The following SUGCT variants were observed in gnomAD, a reference collection of about 807,000 sequenced individuals.
The protein encoded by SUGCT is succinyl-CoA:glutarate CoA-transferase.
In SUGCT, 41 loss-of-function variants were observed where a neutral mutation model predicts 55.0. That is an observed-to-expected ratio of 0.74 (90% CI 0.58 to 0.97). The LOEUF (loss-of-function observed/expected upper bound fraction) is 0.97, where lower values mean the gene tolerates loss of function less well. SUGCT is among the 50% of genes least tolerant of loss of function. SUGCT has a pLI of 0.00. For synonymous variants in SUGCT, 187 were observed against 200.4 expected, an observed-to-expected ratio of 0.93 and a Z score of 0.56; for missense variants, 568 against 547.8, an observed-to-expected ratio of 1.04 and a Z score of -0.37.
chr7:40,206,352 G>C (rs1448144332), intron 6 of SUGCT, among the ~76,000 whole-genome samples: 1 of 152,176 alleles, frequency 6.6e-6, no homozygotes, highest in Non-Finnish European at 1.5e-5. Flanking sequence ...CTTCAAGCTA[G>C]CATTAGTGCA....
the SUGCT span, among the ~76,000 whole-genome samples, chr7:40,946,373 T>C: frequency 1.3e-5 from 2 of 152,220 alleles, no homozygotes; most frequent in South Asian, 2.1e-4. Flanking sequence ...TCTGCACATG[T>C]GGATACAAGC....
intron 12 of SUGCT, among the ~76,000 whole-genome samples, chr7:40,665,432 A>AAAATAAAT (rs59090658): frequency 0.041 from 5,778 of 140,400 alleles, 149 homozygotes; most frequent in African/African-American, 0.047. Context: ...TCTATCTCAA[A>AAAATAAAT]AAATAAATAA....
chr7:40,927,871 T>C, the SUGCT span, among the ~76,000 whole-genome samples: 4 of 152,214 alleles, frequency 2.6e-5, no homozygotes, highest in Non-Finnish European at 4.4e-5. Flanking sequence ...TTTATGTCTT[T>C]AGATACCTTT....
At chr7:40,831,609 A>G (rs1349786844) in intron 13 of SUGCT, among the ~76,000 whole-genome samples, 2 of 152,228 alleles carry the variant, frequency 1.3e-5, no homozygotes, top group East Asian at 1.9e-4. Context: ...TGTTTAACCA[A>G]GATGCTACTA....
At chr7:40,389,665 G>T (rs1785315018) in intron 9 of SUGCT, among the ~76,000 whole-genome samples, 1 of 152,068 alleles carries the variant, frequency 6.6e-6, no homozygotes, top group South Asian at 2.1e-4. Context: ...CATATGAAGG[G>T]ACTGAGGAAT....
intron 12 of SUGCT, among the ~76,000 whole-genome samples, chr7:40,543,147 A>G (rs2151623607): frequency 6.6e-6 from 1 of 152,166 alleles, no homozygotes; most frequent in South Asian, 2.1e-4. Context: ...TGGCATCTCT[A>G]CCCATTTCTC....
At chr7:40,546,072 A>G (rs377631721) in intron 12 of SUGCT, among the ~76,000 whole-genome samples, 1 of 152,074 alleles carries the variant, frequency 6.6e-6, no homozygotes, top group East Asian at 1.9e-4. Flanking sequence ...CACCTTTGAC[A>G]TGGGATTTCT....
At chr7:40,856,684 T>TATA (rs911967024) in intron 13 of SUGCT, among the ~76,000 whole-genome samples, 36 of 152,336 alleles carry the variant, frequency 2.4e-4, no homozygotes, top group African/African-American at 7.7e-4. Flanking sequence ...CTTAAAAATC[T>TATA]ATATGGATCT....
At chr7:40,310,353 A>C (rs1399579799) in intron 8 of SUGCT, among the ~76,000 whole-genome samples, 1 of 152,238 alleles carries the variant, frequency 6.6e-6, no homozygotes, top group Non-Finnish European at 1.5e-5. Context: ...TAAGGAAAGT[A>C]TGAGGAACTG....
intron 9 of SUGCT, among the ~76,000 whole-genome samples, chr7:40,398,591 G>A (rs1167252413): frequency 6.0e-5 from 9 of 150,224 alleles, no homozygotes; most frequent in African/African-American, 2.2e-4. Context: ...ATCAAATAGG[G>A]TCTTGTTTTG....
chr7:40,628,661 T>C (rs1799638249), intron 12 of SUGCT, among the ~76,000 whole-genome samples: 1 of 152,214 alleles, frequency 6.6e-6, no homozygotes, highest in Non-Finnish European at 1.5e-5. Context: ...TTTTTAATTA[T>C]CTCTGAAAGT....
At chr7:40,615,722 G>T (rs1025987775) in intron 12 of SUGCT, among the ~76,000 whole-genome samples, 1 of 152,178 alleles carries the variant, frequency 6.6e-6, no homozygotes, top group Admixed American at 6.5e-5. Context: ...GAAAACACAA[G>T]GATCATTTAG....
chr7:40,631,122 T>C (rs1383850754), intron 12 of SUGCT, among the ~76,000 whole-genome samples: 2 of 152,164 alleles, frequency 1.3e-5, no homozygotes, highest in Non-Finnish European at 2.9e-5. Flanking sequence ...TCTAGAATGA[T>C]AGGAAAGAAC....
chr7:40,749,269 C>T lies in SUGCT; in HGVS notation c.1090-165C>T, dbSNP rs576856195. On this transcript the variant is annotated intron_variant, in intron 12 of 13. Transcript: ENST00000335693. ...TCATTTGGTGTATTATAGGATGAAA[C>T]GTTATTTTTATGTCAAATGTTTACT... Among the ~76,000 whole-genome samples, 7 of 152,234 alleles carry T rather than the reference C, an allele frequency of 4.6e-5. No homozygotes were observed. In the South Asian group the frequency reaches 6.2e-4, roughly 14 times the overall value.
chr7:40,154,053 C>T (rs1007635054), intron 1 of SUGCT: 4 of 253,464 alleles, frequency 1.6e-5, no homozygotes, highest in African/African-American at 4.6e-5. Context: ...GGATACAGTT[C>T]GGGTGAACAT....
the SUGCT span, among the ~76,000 whole-genome samples, chr7:40,953,131 C>G: frequency 6.6e-6 from 1 of 152,174 alleles, no homozygotes; most frequent in African/African-American, 2.4e-5. Context: ...TTCTATATTT[C>G]TTGGAGGCTT....
chr7:40,812,258 C>T lies in SUGCT; in HGVS notation c.1154-48058C>T, dbSNP rs193275972. 3.2e-4 allele frequency among the ~76,000 whole-genome samples: 49 copies of T among 152,008 alleles called. 1 individual carries two copies. Among genetic ancestry groups the T allele is most frequent in the Admixed American group, 3.2e-3 (49 of 15,270 alleles). On this transcript the variant is annotated intron_variant, in intron 13 of 13. Coordinates refer to ENST00000335693, the MANE Select transcript of SUGCT (RefSeq NM_001193313.2). ...ATGTTAGATTCATAGAATGGGACCA[C>T]AGTCATTGATTTTTTGGGGATAGTT...
At chr7:40,983,104 A>G in the SUGCT span, among the ~76,000 whole-genome samples, 10 of 152,218 alleles carry the variant, frequency 6.6e-5, no homozygotes, top group African/African-American at 9.7e-5. Context: ...TTAGTAATGC[A>G]CAAGTCGACT....
intron 1 of SUGCT, among the ~76,000 whole-genome samples, chr7:40,138,024 G>T (rs527502553): frequency 6.6e-6 from 1 of 152,144 alleles, no homozygotes; most frequent in Non-Finnish European, 1.5e-5. Flanking sequence ...GGGGGTACAA[G>T]TGCAGTTTTG....
Sources: gnomAD v4.1 joint callset for allele counts (sites outside exome capture counted in the v4.1 genomes callset) on GRCh38, gnomAD v4.1.1 for gene constraint, MANE v1.5 for transcripts, NCBI Gene and HGNC (gene_info 2026-07-23, HGNC 2026-07-21) for gene names.